Variants in RIMS2 observed in about 807,000 individuals in gnomAD.
The protein encoded by RIMS2 is regulating synaptic membrane exocytosis 2.
RIMS2 carries 59 observed loss-of-function variants against 174.4 expected under a neutral mutation model. The ratio of observed to expected loss-of-function variants is 0.34; its 90% CI spans 0.27 to 0.42. The LOEUF is 0.42. Ranked by LOEUF, RIMS2 falls within the 10% of genes least tolerant of loss-of-function variation. RIMS2 has a pLI of 1.00. For missense variants in RIMS2, 1,620 were observed against 1,666.3 expected, an observed-to-expected ratio of 0.97 and a Z score of 0.48; for synonymous variants, 606 against 572.5, an observed-to-expected ratio of 1.06 and a Z score of -0.84.
intron 1 of RIMS2, among the ~76,000 whole-genome samples, chr8:103,529,774 T>C (rs935784318): frequency 1.3e-5 from 2 of 152,272 alleles, no homozygotes; most frequent in African/African-American, 4.8e-5. Flanking sequence ...CCAGTATACT[T>C]TATATAATCT....
intron 9 of RIMS2, 139 bp downstream of exon 12, chr8:103,918,626 A>C: frequency 1.6e-6 from 1 of 636,686 alleles, no homozygotes; most frequent in Non-Finnish European, 2.8e-6. Context: ...AAGATGGAAA[A>C]TTTAGTATTA....
chr8:103,977,028 G>C (rs1230274791), intron 16 of RIMS2: 4 of 152,154 alleles, frequency 2.6e-5, no homozygotes, highest in Non-Finnish European at 5.9e-5. Flanking sequence ...GAATGTTTAA[G>C]AAATTTTGAC....
chr8:103,654,246 A>G (rs1260626114), intron 1 of RIMS2, among the ~76,000 whole-genome samples: 1 of 152,014 alleles, frequency 6.6e-6, no homozygotes, highest in Non-Finnish European at 1.5e-5. Flanking sequence ...GCCATTAAAT[A>G]AAATGACATA....
At chr8:104,178,825 A>G (rs868351378) in intron 19 of RIMS2, among the ~76,000 whole-genome samples, 1 of 152,042 alleles carries the variant, frequency 6.6e-6, no homozygotes, top group Non-Finnish European at 1.5e-5. Flanking sequence ...CTTAAAACAG[A>G]TTAGAGGAGG....
intron 19 of RIMS2, among the ~76,000 whole-genome samples, chr8:104,095,002 C>T (rs1387714355): frequency 6.6e-6 from 1 of 152,048 alleles, no homozygotes; most frequent in African/African-American, 2.4e-5. Flanking sequence ...CCCTGTGTCT[C>T]TTTTAACATG....
chr8:103,589,562 G>A (rs551828329), intron 1 of RIMS2, among the ~76,000 whole-genome samples: 1 of 151,714 alleles, frequency 6.6e-6, no homozygotes, highest in Admixed American at 6.6e-5. Flanking sequence ...ATATGATACA[G>A]TACACCCACT....
At chr8:103,829,960 AATCT>A (rs1452688703) in intron 3 of RIMS2, among the ~76,000 whole-genome samples, 1 of 152,228 alleles carries the variant, frequency 6.6e-6, no homozygotes, top group Non-Finnish European at 1.5e-5. Flanking sequence ...TTTTATGTTC[AATCT>A]TTCTCAATAT....
At chr8:103,725,337 T>C (rs1398320600) in intron 2 of RIMS2, among the ~76,000 whole-genome samples, 1 of 152,186 alleles carries the variant, frequency 6.6e-6, no homozygotes, top group Non-Finnish European at 1.5e-5. Flanking sequence ...CATCAAGATA[T>C]ATATTATTTC....
intron 19 of RIMS2, among the ~76,000 whole-genome samples, chr8:104,105,806 A>G (rs1049884432): frequency 6.6e-6 from 1 of 152,004 alleles, no homozygotes; most frequent in Non-Finnish European, 1.5e-5. Context: ...TGGGAGGCCG[A>G]GGTGGGCAGA....
chr8:103,825,378 C>T (rs943844313), intron 3 of RIMS2, among the ~76,000 whole-genome samples: 4 of 151,838 alleles, frequency 2.6e-5, no homozygotes, highest in African/African-American at 9.7e-5. Context: ...CCCCCAAGCT[C>T]AAGTGATCCT....
chr8:103,679,335 A>G (rs2136632182), intron 1 of RIMS2, among the ~76,000 whole-genome samples: 2 of 152,114 alleles, frequency 1.3e-5, no homozygotes, highest in Non-Finnish European at 2.9e-5. Flanking sequence ...GACCTCAAAC[A>G]AATCTAGTTT....
At chr8:104,222,426 A>C (rs2099159716) in intron 19 of RIMS2, among the ~76,000 whole-genome samples, 1 of 152,358 alleles carries the variant, frequency 6.6e-6, no homozygotes, top group Admixed American at 6.5e-5. Flanking sequence ...TTTAGATTGC[A>C]TAATTTACAT....
At chr8:103,912,101 C>T (rs1422386980) in exon 6 of RIMS2, 16 of 1,605,086 alleles carry the variant, frequency 1.0e-5, no homozygotes, top group East Asian at 2.2e-5. Flanking sequence ...TTTAATTGGT[C>T]GCATTTTATT....
rs200596927 is a variant in RIMS2 at position 104,145,567 on chromosome 8, T to C, written c.3335-99349T>C. ...GTGGCTGAGCGTGGTGGCTCACACC[T>C]GTAATCCCAGCTCTTTGGGAGACCA... On this transcript the variant is annotated intron_variant, in intron 19 of 23. Transcript: ENST00000504942. Among the ~76,000 whole-genome samples, 61 of 151,874 alleles carry C rather than the reference T, an allele frequency of 4.0e-4. No homozygotes were observed. The East Asian group carries it at 0.011, about 28-fold the overall frequency.
intron 19 of RIMS2, among the ~76,000 whole-genome samples, chr8:104,113,490 AT>A (rs562123089): frequency 3.7e-4 from 56 of 152,172 alleles, no homozygotes; most frequent in Middle Eastern, 6.8e-3. Context: ...AAAGATATTA[AT>A]TTTAAAATTA....
At chr8:104,133,705 G>A (rs2098493141) in intron 19 of RIMS2, among the ~76,000 whole-genome samples, 1 of 152,108 alleles carries the variant, frequency 6.6e-6, no homozygotes, top group Non-Finnish European at 1.5e-5. Context: ...AATCTGGATG[G>A]GGAGAAGTGG....
chr8:103,695,120 T>C (rs1347048147), intron 1 of RIMS2, among the ~76,000 whole-genome samples: 2 of 152,192 alleles, frequency 1.3e-5, no homozygotes, highest in Non-Finnish European at 2.9e-5. Context: ...TGCTGTGTTG[T>C]CTGTGGTTGG....
intron 2 of RIMS2, among the ~76,000 whole-genome samples, chr8:103,745,904 C>CT (rs1261837598): frequency 6.6e-6 from 1 of 152,026 alleles, no homozygotes; most frequent in East Asian, 1.9e-4. Context: ...TGTGGGTTGT[C>CT]TTTTCATTTT....
intron 19 of RIMS2, among the ~76,000 whole-genome samples, chr8:104,222,207 G>C (rs2099158548): frequency 6.6e-6 from 1 of 152,074 alleles, no homozygotes; most frequent in African/African-American, 2.4e-5. Context: ...TCTCTCCCCT[G>C]CAACTAAAAT....
Sources: gnomAD v4.1 joint callset for allele counts (sites outside exome capture counted in the v4.1 genomes callset) on GRCh38, gnomAD v4.1.1 for gene constraint, MANE v1.5 for transcripts, NCBI Gene and HGNC (gene_info 2026-07-23, HGNC 2026-07-21) for gene names.